Variants in MGAT4C observed in about 807,000 individuals in gnomAD.
MGAT4C encodes the protein MGAT4 family member C.
MGAT4C carries 19 observed loss-of-function variants against 40.1 expected under a neutral mutation model. The ratio of observed to expected loss-of-function variants is 0.47; its 90% CI spans 0.33 to 0.70. MGAT4C has a LOEUF of 0.70. MGAT4C is among the 30% of genes least tolerant of loss of function. The probability of loss-of-function intolerance (pLI) is 0.02; values close to 1 mark genes in which losing one functional copy is unlikely to be tolerated. For missense variants in MGAT4C, 491 were observed against 563.2 expected, an observed-to-expected ratio of 0.87 and a Z score of 1.30; for synonymous variants, 181 against 187.1, an observed-to-expected ratio of 0.97 and a Z score of 0.27.
intron 2 of MGAT4C, among the ~76,000 whole-genome samples, chr12:86,601,758 C>T (rs1317322350): frequency 2.0e-5 from 3 of 152,110 alleles, no homozygotes; most frequent in Non-Finnish European, 4.4e-5. Context: ...GTGGTGGGGC[C>T]GGAGCGGGGC....
intron 1 of MGAT4C, among the ~76,000 whole-genome samples, chr12:86,146,415 T>A (rs1361994888): frequency 6.6e-6 from 1 of 152,192 alleles, no homozygotes; most frequent in Non-Finnish European, 1.5e-5. Flanking sequence ...AGTTTTCTTC[T>A]TTTCTTTTTT....
chr12:86,662,585 AT>A (rs969142030), intron 2 of MGAT4C, among the ~76,000 whole-genome samples: 4 of 152,042 alleles, frequency 2.6e-5, no homozygotes, highest in South Asian at 2.1e-4. Context: ...ACTGATTGTG[AT>A]TTTTTTTCAT....
At chr12:86,785,434 T>A (rs1411984642) in intron 1 of MGAT4C, among the ~76,000 whole-genome samples, 1 of 152,040 alleles carries the variant, frequency 6.6e-6, no homozygotes, top group East Asian at 1.9e-4. Context: ...TAAATACTTT[T>A]AGAAATTAAA....
In MGAT4C at chr12:86,815,419, C is replaced by T. The variant is rs1356038176; in HGVS notation, c.-262+23247G>A. 3.3e-5 allele frequency among the ~76,000 whole-genome samples: 5 copies of T among 151,778 alleles called. No homozygotes were observed. The Admixed American group carries it at 3.3e-4, about 10-fold the overall frequency. On this transcript the variant is annotated intron_variant, in intron 1 of 7. Coordinates refer to the MGAT4C transcript ENST00000548651. The stretch of plus-strand genomic sequence containing the variant: ...GTGGGAATGTAAACTAATACAGCCA[C>T]TGTGGAAAACAGTGTGGCGATTCCT...
chr12:86,775,828 TTTC>T (rs1446116477), intron 1 of MGAT4C, among the ~76,000 whole-genome samples: 1 of 144,604 alleles, frequency 6.9e-6, no homozygotes, highest in Non-Finnish European at 1.5e-5. Context: ...AAGTTTTGAT[TTTC>T]TTCTTTTTTA....
At chr12:86,369,644 A>T (rs1955679084) in intron 3 of MGAT4C, among the ~76,000 whole-genome samples, 2 of 151,958 alleles carry the variant, frequency 1.3e-5, no homozygotes, top group African/African-American at 4.8e-5. Flanking sequence ...TTGAGGTCAG[A>T]ATTTATTTTT....
intron 1 of MGAT4C, among the ~76,000 whole-genome samples, chr12:86,114,504 G>A (rs1878036403): frequency 6.6e-6 from 1 of 151,392 alleles, no homozygotes; most frequent in African/African-American, 2.4e-5. Flanking sequence ...GTTTCATATG[G>A]GCTCTCTTGA....
chr12:86,720,578 C>T (rs577387617), intron 2 of MGAT4C, among the ~76,000 whole-genome samples: 1 of 152,132 alleles, frequency 6.6e-6, no homozygotes. Context: ...CTCCTTACTC[C>T]CTATATCTCC....
rs35262458 is a variant in MGAT4C at position 86,602,883 on chromosome 12, C to CGTGTGTGT, written c.-229+124318_-229+124325dup. On this transcript the variant is annotated intron_variant, in intron 2 of 7. Coordinates refer to the MGAT4C transcript ENST00000548651. ...AGTATCTCAAACACCTGCCCATCTGCGTGTGTGTGTGTGTGTGTGTGTGTG... is the reference window on the plus strand; with the variant it reads ...AGTATCTCAAACACCTGCCCATCTGCGTGTGTGTGTGTGTGTGTGTGTGTGTGTGTGTG... 4.7e-3 allele frequency among the ~76,000 whole-genome samples: 693 copies of CGTGTGTGT among 147,680 alleles called. 2 individuals are homozygous for CGTGTGTGT. The highest frequency in any genetic ancestry group is 0.016 in the African/African-American group (637 of 40,136).
At chr12:86,048,453 A>G (rs6539940) in intron 2 of MGAT4C, among the ~76,000 whole-genome samples, 121,552 of 151,924 alleles carry the variant, frequency 0.8, 49,314 homozygotes, top group East Asian at 0.97. Flanking sequence ...GCACATGTAC[A>G]TCATGAACCT....
chr12:86,123,975 T>C (rs529370411), intron 1 of MGAT4C, among the ~76,000 whole-genome samples: 2 of 152,250 alleles, frequency 1.3e-5, no homozygotes, highest in South Asian at 2.1e-4. Flanking sequence ...ATTTCATTTT[T>C]AATCATTCCC....
chr12:86,174,331 T>C (rs1447740347), intron 1 of MGAT4C, among the ~76,000 whole-genome samples: 1 of 152,042 alleles, frequency 6.6e-6, no homozygotes, highest in East Asian at 1.9e-4. Context: ...GCAGAAACAT[T>C]TGTATACAAA....
intron 1 of MGAT4C, among the ~76,000 whole-genome samples, chr12:86,834,171 G>GATAGAT (rs63091261): frequency 1.4e-3 from 205 of 147,310 alleles, no homozygotes; most frequent in Middle Eastern, 3.5e-3. Context: ...GATAGAGATA[G>GATAGAT]ATAGATATAG....
At chr12:86,114,000 T>A (rs1877912631) in intron 1 of MGAT4C, among the ~76,000 whole-genome samples, 1 of 151,808 alleles carries the variant, frequency 6.6e-6, no homozygotes, top group African/African-American at 2.4e-5. Context: ...CTCTAAAACC[T>A]TTTAGTGGGT....
At chr12:86,258,412 G>A (rs955937379), upstream of MGAT4C, among the ~76,000 whole-genome samples, 2 of 151,520 alleles carry the variant, frequency 1.3e-5, no homozygotes, top group Non-Finnish European at 2.9e-5. Flanking sequence ...TCTCTTATTT[G>A]TTTTGCATTT....
chr12:86,116,420 A>T (rs564412717), intron 1 of MGAT4C, among the ~76,000 whole-genome samples: 1 of 152,214 alleles, frequency 6.6e-6, no homozygotes, highest in South Asian at 2.1e-4. Context: ...TGGCCAGATT[A>T]GAGATTTTTT....
intron 2 of MGAT4C, among the ~76,000 whole-genome samples, chr12:86,549,062 T>C (rs1457064019): frequency 4.6e-5 from 7 of 152,130 alleles, no homozygotes; most frequent in African/African-American, 1.7e-4. Flanking sequence ...AGTTACAATA[T>C]GGAAAATCCT....
At chr12:86,700,922 C>G (rs1177851715) in intron 2 of MGAT4C, among the ~76,000 whole-genome samples, 1 of 151,968 alleles carries the variant, frequency 6.6e-6, no homozygotes, top group African/African-American at 2.4e-5. Flanking sequence ...TCTTGTAGAA[C>G]TGGCAAATGA....
chr12:86,630,806 G>A (rs1565893969), intron 2 of MGAT4C, among the ~76,000 whole-genome samples: 1 of 152,018 alleles, frequency 6.6e-6, no homozygotes, highest in Non-Finnish European at 1.5e-5. Flanking sequence ...ATACTGAATG[G>A]GCAAAAAAAT....
Sources: gnomAD v4.1 joint callset for allele counts (sites outside exome capture counted in the v4.1 genomes callset) on GRCh38, gnomAD v4.1.1 for gene constraint, MANE v1.5 for transcripts, NCBI Gene and HGNC (gene_info 2026-07-23, HGNC 2026-07-21) for gene names.